The following MAGI1 variants were observed in gnomAD, a reference collection of about 807,000 sequenced individuals.
The protein encoded by MAGI1 is membrane associated guanylate kinase, WW and PDZ domain containing 1, also known as membrane-associated guanylate kinase, WW and PDZ domain-containing protein 1.
A neutral mutation model predicts 139.9 loss-of-function variants in MAGI1; 58 were observed. The observed-to-expected ratio is 0.41, with a 90% confidence interval of 0.34 to 0.52. MAGI1 has a LOEUF of 0.52. Ranked by LOEUF, MAGI1 falls within the 20% of genes least tolerant of loss-of-function variation. MAGI1 has a pLI of 0.12. For missense variants in MAGI1, 1,874 were observed against 1,901.6 expected, an observed-to-expected ratio of 0.99 and a Z score of 0.27; for synonymous variants, 812 against 737.9, an observed-to-expected ratio of 1.10 and a Z score of -1.63.
chr3:65,763,318 C>A (rs576087977), intron 1 of MAGI1, among the ~76,000 whole-genome samples: 1 of 152,220 alleles, frequency 6.6e-6, no homozygotes, highest in South Asian at 2.1e-4. Flanking sequence ...TAGGTTTTGC[C>A]ACTTCCTTAG....
At chr3:65,927,974 C>G (rs1158447772) in intron 1 of MAGI1, among the ~76,000 whole-genome samples, 1 of 152,166 alleles carries the variant, frequency 6.6e-6, no homozygotes, top group African/African-American at 2.4e-5. Context: ...AATATGATCA[C>G]CCTACTTAAA....
At chr3:65,610,613 C>A (rs1010414058) in intron 2 of MAGI1, among the ~76,000 whole-genome samples, 3 of 150,888 alleles carry the variant, frequency 2.0e-5, no homozygotes, top group African/African-American at 7.3e-5. Flanking sequence ...TCCCTCAAGT[C>A]AATTGATGAA....
rs117397595 is a variant in MAGI1 at position 65,902,353 on chromosome 3, G to C, written c.313+135643C>G. Among the ~76,000 whole-genome samples, 39 of 152,226 alleles carry C rather than the reference G, an allele frequency of 2.6e-4. No individual in the cohort carries two copies. The East Asian group carries it at 7.5e-3, about 29-fold the overall frequency. On this transcript the variant is annotated intron_variant, in intron 1 of 22. Coordinates refer to ENST00000402939, the MANE Select transcript of MAGI1 (RefSeq NM_001033057.2). ...AATGCAAGCCCAACCTCATATAGTA[G>C]AATGAAAACAAACTCAGCCAAGATG...
chr3:65,993,965 C>T, intron 1 of MAGI1, among the ~76,000 whole-genome samples: 1 of 152,062 alleles, frequency 6.6e-6, no homozygotes, highest in Admixed American at 6.6e-5. Flanking sequence ...CAACCCACAG[C>T]CATGAGACAC....
intron 1 of MAGI1, among the ~76,000 whole-genome samples, chr3:65,925,645 G>A (rs264684): frequency 0.76 from 115,472 of 152,100 alleles, 45,054 homozygotes; most frequent in East Asian, 0.98. Flanking sequence ...CAAAAAAATA[G>A]TAATAGCTCT....
At chr3:65,708,300 G>A (rs920975992) in intron 1 of MAGI1, among the ~76,000 whole-genome samples, 11 of 152,168 alleles carry the variant, frequency 7.2e-5, no homozygotes, top group Non-Finnish European at 1.6e-4. Context: ...AGAAGAGGAA[G>A]GTTAGCTTTC....
At position 65,963,313 on chromosome 3, in the gene MAGI1, TAAAAA is replaced by T. The variant is rs760893715; in HGVS notation, c.313+74678_313+74682del. On this transcript the variant is annotated intron_variant, in intron 1 of 22. Coordinates refer to ENST00000402939, the MANE Select transcript of MAGI1 (RefSeq NM_001033057.2). ...GTCAACAGAGCGAGACTCTGTCTCT[TAAAAA>T]AAAAAAAAAAGTAGCTCGGCCAGGT... is the stretch of plus-strand genomic sequence containing the variant. 3.8e-5 allele frequency among the ~76,000 whole-genome samples: 4 copies of T among 104,220 alleles called. No homozygotes were observed. The East Asian group carries it at 8.7e-4, about 23-fold the overall frequency. 68.4% of individuals were successfully genotyped at this position (104,220 alleles called of 152,430 possible). A position where few individuals can be genotyped will look rare whatever the true frequency, so the allele number is the denominator to read the frequency against.
intron 2 of MAGI1, among the ~76,000 whole-genome samples, chr3:65,530,709 A>T (rs2078630858): frequency 7.1e-6 from 1 of 141,058 alleles, no homozygotes; most frequent in African/African-American, 2.7e-5. Context: ...ACACATATAC[A>T]CGTGTATATA....
At chr3:65,757,000 A>T (rs1007052744) in intron 1 of MAGI1, among the ~76,000 whole-genome samples, 1 of 152,218 alleles carries the variant, frequency 6.6e-6, no homozygotes, top group Non-Finnish European at 1.5e-5. Context: ...AATTCTTTTC[A>T]GACACTTAAG....
chr3:65,837,784 T>C (rs941356774), intron 1 of MAGI1, among the ~76,000 whole-genome samples: 1 of 152,238 alleles, frequency 6.6e-6, no homozygotes, highest in Non-Finnish European at 1.5e-5. Context: ...CTGTTTGATA[T>C]TTTTAGCTAG....
chr3:65,908,755 T>C (rs1036218471), intron 1 of MAGI1, among the ~76,000 whole-genome samples: 5 of 152,104 alleles, frequency 3.3e-5, no homozygotes, highest in Admixed American at 2.0e-4. Context: ...CTCTGGAAAA[T>C]GTGGATCAGC....
rs778804710 is a variant in MAGI1, at chr3:66,001,283, G to A, written c.313+36713C>T. On this transcript the variant is annotated intron_variant, in intron 1 of 22. Transcript: ENST00000402939. ...GGAGTAAAGAACTCACCTCAGTGAG[G>A]TTTTCAAAAAGAAAATTTTAAAATA... is the stretch of plus-strand genomic sequence containing the variant. Among the ~76,000 whole-genome samples, 111 of 151,804 alleles carry A rather than the reference G, an allele frequency of 7.3e-4. 1 individual carries two copies. Among genetic ancestry groups the A allele is most frequent in the Non-Finnish European group, 1.5e-4 (10 of 67,960 alleles).
At chr3:65,582,322 T>C (rs922199227) in intron 2 of MAGI1, among the ~76,000 whole-genome samples, 1 of 152,160 alleles carries the variant, frequency 6.6e-6, no homozygotes, top group Non-Finnish European at 1.5e-5. Flanking sequence ...ACCCAGCACA[T>C]AGGAAGAGCA....
intron 12 of MAGI1, among the ~76,000 whole-genome samples, chr3:65,418,940 T>C (rs4688233): frequency 0.62 from 94,852 of 152,086 alleles, 30,459 homozygotes; most frequent in East Asian, 0.95. Flanking sequence ...GCTACAATGG[T>C]CTTGTGACAC....
intron 1 of MAGI1, among the ~76,000 whole-genome samples, chr3:65,719,395 TAAA>T (rs982386080): frequency 1.3e-5 from 2 of 151,840 alleles, no homozygotes; most frequent in Admixed American, 1.3e-4. Flanking sequence ...TATTTTAAAT[TAAA>T]AATATTATGT....
chr3:65,808,497 CA>C (rs537102976), intron 1 of MAGI1, among the ~76,000 whole-genome samples: 2 of 151,516 alleles, frequency 1.3e-5, no homozygotes, highest in Admixed American at 1.3e-4. Context: ...GACTCTGTCT[CA>C]AAAAAACAAA....
chr3:65,703,013 C>A (rs1224846665), intron 1 of MAGI1, among the ~76,000 whole-genome samples: 1 of 151,980 alleles, frequency 6.6e-6, no homozygotes. Context: ...CAAGCAGAAT[C>A]TGGAGCAGAG....
chr3:65,416,098 C>T (rs1225710489), intron 12 of MAGI1, among the ~76,000 whole-genome samples: 3 of 151,748 alleles, frequency 2.0e-5, no homozygotes, highest in Non-Finnish European at 4.4e-5. Flanking sequence ...GACCTAATTC[C>T]AACTATTTCC....
At chr3:65,885,273 T>C (rs1479158333) in intron 1 of MAGI1, among the ~76,000 whole-genome samples, 1 of 151,966 alleles carries the variant, frequency 6.6e-6, no homozygotes, top group Non-Finnish European at 1.5e-5. Flanking sequence ...GGTGCGCATC[T>C]GTAATCCCAG....
Sources: allele counts gnomAD v4.1 joint callset (sites outside exome capture counted in the v4.1 genomes callset), GRCh38; gene constraint gnomAD v4.1.1; transcripts MANE v1.5; gene names NCBI Gene and HGNC (gene_info 2026-07-23, HGNC 2026-07-21).